Variants in ZFP64 observed in about 807,000 individuals in gnomAD.
ZFP64 encodes ZFP64 zinc finger protein, also known as zinc finger protein 64.
ZFP64 carries 14 observed loss-of-function variants against 51.6 expected under a neutral mutation model. The ratio of observed to expected loss-of-function variants is 0.27; its 90% CI spans 0.18 to 0.42. The LOEUF is 0.42. Ranked by LOEUF, ZFP64 falls within the 10% of genes least tolerant of loss-of-function variation. The pLI is 1.00. For missense variants in ZFP64, 754 were observed against 906.8 expected, an observed-to-expected ratio of 0.83 and a Z score of 2.16; for synonymous variants, 375 against 361.4, an observed-to-expected ratio of 1.04 and a Z score of -0.43.
intron 5 of ZFP64, among the ~76,000 whole-genome samples, chr20:52,101,254 C>A (rs371862150): frequency 2.6e-5 from 4 of 152,194 alleles, no homozygotes; most frequent in African/African-American, 9.7e-5. Context: ...ATCTGTGTCA[C>A]AATCACCTAG....
chr20:52,169,495 G>A (rs1034650057), intron 2 of ZFP64, among the ~76,000 whole-genome samples: 1 of 152,114 alleles, frequency 6.6e-6, no homozygotes, highest in Non-Finnish European at 1.5e-5. Flanking sequence ...CTACAAGTCA[G>A]CTCGCGGGCT....
In ZFP64 at chr20:52,186,941, T is replaced by C. The variant is rs1462239693; in HGVS notation, c.177A>G (p.Thr59=). 1 of 1,614,122 alleles carries C rather than the reference T, an allele frequency of 6.2e-7. No individual in the cohort carries two copies. The highest frequency in any genetic ancestry group is 1.7e-5 in the Admixed American group (1 of 60,022). ...HKQSGCQLTG[T]SAAAPSTVQF... ...GGACCGTGCTGGGGGCTGCTGCGGA[T>C]GTGCCTGTCAGCTGGCAGCCACTTT... Residue 59 remains threonine (T), a synonymous_variant, in exon 2 of 6, where the codon ACA becomes ACG. Transcript: ENST00000216923.
intron 5 of ZFP64, among the ~76,000 whole-genome samples, chr20:52,159,004 C>A (rs778333474): frequency 2.0e-5 from 3 of 152,190 alleles, no homozygotes; most frequent in African/African-American, 7.2e-5. Context: ...CAGAACAGAA[C>A]CAGATTGCCT....
rs1283024677 is a variant in ZFP64, at chr20:52,153,880, A to G, written c.764-452T>C. Reference sequence around the variant, plus strand: ...AATGGGTCAGCTCCGTGCTGCACTCATTGGAGTATGGTTTTACAATGACTG... The same window carrying G: ...AATGGGTCAGCTCCGTGCTGCACTCGTTGGAGTATGGTTTTACAATGACTG... On this transcript the variant is annotated intron_variant, in intron 5 of 5. Coordinates refer to ENST00000216923, the MANE Select transcript of ZFP64 (RefSeq NM_018197.3). This position sits in a 1 kb window ranked among gnomAD's most constrained non-coding sequence, Gnocchi z 5.1. Among the ~76,000 whole-genome samples the G allele has an allele frequency of 3.9e-5, 6 of 152,138 alleles. No individual in the cohort carries two copies. The highest frequency in any genetic ancestry group is 5.9e-5 in the Non-Finnish European group (4 of 68,010).
chr20:52,179,975 G>A (rs1439408139), intron 2 of ZFP64, among the ~76,000 whole-genome samples: 3 of 152,254 alleles, frequency 2.0e-5, no homozygotes, highest in Admixed American at 1.3e-4. Flanking sequence ...GGAGGAGGAT[G>A]TCTGGTATTT....
rs765983017 is a variant in ZFP64 at position 52,084,560 on chromosome 20, G to A, written c.1935C>T (p.Leu645=). 9.3e-6 allele frequency: 15 copies of A among 1,611,638 alleles called. No homozygotes were observed. The East Asian group carries it at 1.1e-4, about 12-fold the overall frequency. Residue 645 remains leucine, a synonymous_variant, in exon 9 of 9, where the codon CTC becomes CTT. Coordinates refer to the ZFP64 transcript ENST00000361387. ...CTGACCACCCTCTTCGGCTGAGCTA[G>A]AGGTCTTGGCTGGGCTCTAGGGGAG...
rs1319957735 is a variant in ZFP64, at chr20:52,096,931, G to A, written c.976+442C>T. The A allele has an allele frequency of 1.2e-5, 5 of 402,456 alleles. No homozygotes were observed. In the East Asian group the frequency reaches 2.1e-4, roughly 17 times the overall value. The allele number at this position is 402,456 out of a possible 1,614,324, so 24.9% of individuals were successfully genotyped here. A position where few individuals can be genotyped will look rare whatever the true frequency, so the allele number is the denominator to read the frequency against. ...AAAAAGATAGTATTTTAGGCTTTGT[G>A]CACCCTACAGTCCCTGTAACAACTA... On this transcript the variant is annotated intron_variant, in intron 7 of 8. Coordinates refer to the ZFP64 transcript ENST00000361387.
chr20:52,148,039 A>G (rs1600752681), downstream of ZFP64, among the ~76,000 whole-genome samples: 1 of 152,272 alleles, frequency 6.6e-6, no homozygotes, highest in African/African-American at 2.4e-5. Flanking sequence ...TACTGATGCA[A>G]TTTCAATAAA....
chr20:52,122,690 G>C (rs1979253525), intron 5 of ZFP64, among the ~76,000 whole-genome samples: 1 of 152,116 alleles, frequency 6.6e-6, no homozygotes, highest in Non-Finnish European at 1.5e-5. Context: ...TTTGTAAGAA[G>C]TTGATTCCAA....
chr20:52,123,519 C>T lies in ZFP64; in HGVS notation c.764-24932G>A, dbSNP rs1979297303. ...ATCGACCTCCAGGCAAGACCCTCCA[C>T]CAGCAAAAGGATTATGACCCACTGA... On this transcript the variant is annotated intron_variant, in intron 5 of 8. Transcript: ENST00000361387. Among the ~76,000 whole-genome samples the T allele has an allele frequency of 2.0e-5, 3 of 152,166 alleles. No individual in the cohort carries two copies. In the South Asian group the frequency reaches 6.2e-4, roughly 31 times the overall value.
chr20:52,167,527 T>G (rs74175915), intron 2 of ZFP64, among the ~76,000 whole-genome samples: 3 of 136,872 alleles, frequency 2.2e-5, no homozygotes, highest in Non-Finnish European at 4.7e-5. Context: ...CCCTCCCTCT[T>G]CCCTTCCCCT....
At chr20:52,175,861 G>GGGCC in intron 2 of ZFP64, 4 of 238,634 alleles carry the variant, frequency 1.7e-5, no homozygotes, top group Non-Finnish European at 2.4e-5. Flanking sequence ...CACCCCCGCT[G>GGGCC]CCGCCCCCGC....
Position 52,106,446 on chromosome 20 carries a change from CG to C in ZFP64, c.764-7860del, listed in dbSNP as rs1393150057. Among the ~76,000 whole-genome samples, 4 of 152,112 alleles carry C rather than the reference CG, an allele frequency of 2.6e-5. No individual in the cohort carries two copies. In the East Asian group the frequency reaches 5.8e-4, roughly 22 times the overall value. On this transcript the variant is annotated intron_variant, in intron 5 of 8. Coordinates refer to the ZFP64 transcript ENST00000361387. Reference sequence around the variant, plus strand: ...CAGGCTCATCTCCGAGTTTTTGGGGCGGGGCCTGAGAATCTGTATTTTTAAC... The same window carrying C: ...CAGGCTCATCTCCGAGTTTTTGGGGCGGGCCTGAGAATCTGTATTTTTAAC...
At chr20:52,162,131 GA>G (rs1023429640) in intron 4 of ZFP64, among the ~76,000 whole-genome samples, 1 of 151,310 alleles carries the variant, frequency 6.6e-6, no homozygotes, top group African/African-American at 2.4e-5. Flanking sequence ...AACCCTGTCT[GA>G]ACTAAAAATA....
chr20:52,127,918 G>T (rs6021718), intron 5 of ZFP64, among the ~76,000 whole-genome samples: 1 of 151,998 alleles, frequency 6.6e-6, no homozygotes. Flanking sequence ...GCTATACAAC[G>T]ACCTCAAAAT....
At chr20:52,097,559 A>G (rs936960194) in intron 6 of ZFP64, 2 of 835,754 alleles carry the variant, frequency 2.4e-6, no homozygotes, top group African/African-American at 1.8e-5. Context: ...GGTTCAAGAG[A>G]TTACCCTGTT....
chr20:52,176,234 C>A (rs1983201888), intron 2 of ZFP64, among the ~76,000 whole-genome samples: 1 of 152,090 alleles, frequency 6.6e-6, no homozygotes, highest in African/African-American at 2.4e-5. Context: ...TGAGACCTTC[C>A]CCCCACCCGC....
chr20:52,136,404 A>C (rs1005738332), intron 5 of ZFP64, among the ~76,000 whole-genome samples: 2 of 152,152 alleles, frequency 1.3e-5, no homozygotes, highest in Admixed American at 6.5e-5. Flanking sequence ...AAATTGACCC[A>C]ATTAATGACA....
chr20:52,093,524 C>T (rs901252477), intron 7 of ZFP64, among the ~76,000 whole-genome samples: 1 of 152,138 alleles, frequency 6.6e-6, no homozygotes, highest in African/African-American at 2.4e-5. Flanking sequence ...TTTTATCTTC[C>T]CTACCTTAAC....
Sources: allele counts gnomAD v4.1 joint callset (sites outside exome capture counted in the v4.1 genomes callset), GRCh38; gene constraint gnomAD v4.1.1; non-coding constraint Gnocchi (gnomAD v3.1); transcripts MANE v1.5; gene names NCBI Gene and HGNC (gene_info 2026-07-23, HGNC 2026-07-21).